STX1A: variants seen among roughly 807,000 people sequenced by gnomAD.
STX1A encodes syntaxin-1A.
Under a neutral mutation model 37.8 loss-of-function variants are expected in STX1A, and 4 were observed. The observed-to-expected ratio is 0.11, with a 90% CI of 0.05 to 0.24. STX1A has a LOEUF of 0.24. Ranked by LOEUF, STX1A falls within the 10% of genes least tolerant of loss-of-function variation. The pLI is 1.00. For missense variants in STX1A, 251 were observed against 399.9 expected, an observed-to-expected ratio of 0.63 and a Z score of 3.18; for synonymous variants, 135 against 147.4, an observed-to-expected ratio of 0.92 and a Z score of 0.61.
In STX1A at chr7:73,703,846, C is replaced by G. The variant is rs781901253; in HGVS notation, c.467-18G>C. The stretch of plus-strand genomic sequence containing the variant: ...CCTGCCGGCTGCAAGCGAGTGGGGT[C>G]ACACTGAGCCCAGCCCTCTTCGGGG... On this transcript the variant is annotated intron_variant, in intron 6 of 9. Coordinates refer to ENST00000222812, the MANE Select transcript of STX1A (RefSeq NM_004603.4). 2.5e-6 allele frequency: 4 copies of G among 1,611,292 alleles called. No individual in the cohort carries two copies. The highest frequency in any genetic ancestry group is 4.5e-5 in the East Asian group (2 of 44,882).
In STX1A at chr7:73,699,321, G is replaced by C. The variant is rs530072796; in HGVS notation, c.*1086C>G. 1.3e-5 allele frequency: 2 copies of C among 152,822 alleles called. No homozygotes were observed. Among genetic ancestry groups the C allele is most frequent in the African/African-American group, 4.8e-5 (2 of 41,570 alleles). 9.5% of individuals were successfully genotyped at this position (152,822 alleles called of 1,614,324 possible). A position where few individuals can be genotyped will look rare whatever the true frequency, so the allele number is the denominator to read the frequency against. ...AATCGCTGTTCAAGAAGGCAACACGGACAGTGGTCACAGTCACTGGGCAGG... is the reference window on the plus strand; with the variant it reads ...AATCGCTGTTCAAGAAGGCAACACGCACAGTGGTCACAGTCACTGGGCAGG... On this transcript the variant is annotated 3_prime_UTR_variant, in exon 10 of 10. Coordinates refer to ENST00000222812, the MANE Select transcript of STX1A (RefSeq NM_004603.4).
At position 73,702,508 on chromosome 7, in the gene STX1A, AGCTGTCCTGGTCACT is replaced by A; in HGVS notation, c.678+322_678+336del. The A allele has an allele frequency of 4.0e-6, 2 of 506,274 alleles. No homozygotes were observed. The highest frequency in any genetic ancestry group is 3.3e-6 in the Non-Finnish European group (1 of 303,194). 31.4% of individuals were successfully genotyped at this position (506,274 alleles called of 1,614,324 possible). The stretch of plus-strand genomic sequence containing the variant: ...ATTCACTCCAGGAAGCAGGTCCCTG[AGCTGTCCTGGTCACT>A]GCTATGCCTTCAGTCTCTGGGGAAA... On this transcript the variant is annotated intron_variant, in intron 8 of 9. Coordinates refer to ENST00000222812, the MANE Select transcript of STX1A (RefSeq NM_004603.4). This position sits in a 1 kb window ranked among gnomAD's most constrained non-coding sequence, Gnocchi z 4.7.
chr7:73,700,562 C>G lies in STX1A; in HGVS notation c.790-78G>C, dbSNP rs1421815587. ...GTGGGACTATGGCAAAGGCTGAGGA[C>G]TGGACAGTCGGGGGGGATCCAAGCA... On this transcript the variant is annotated intron_variant, in intron 9 of 9. Transcript: ENST00000222812. The surrounding 1 kb of genome is among the most constrained non-coding windows in gnomAD (Gnocchi z 4.4). 6.4e-7 allele frequency: 1 copy of G among 1,560,562 alleles called. No individual in the cohort carries two copies. Among genetic ancestry groups the G allele is most frequent in the Non-Finnish European group, 8.7e-7 (1 of 1,145,644 alleles).
intron 1 of STX1A, among the ~76,000 whole-genome samples, chr7:73,719,069 G>T (rs971744620): frequency 6.6e-6 from 1 of 151,826 alleles, no homozygotes. Context: ...CGAGGAGGCC[G>T]CCACCACCCG....
At chr7:73,704,475 C>T (rs782722066) in intron 4 of STX1A, 52 bp from the exon 5 acceptor site, 7 of 1,606,958 alleles carry the variant, frequency 4.4e-6, no homozygotes, top group Non-Finnish European at 6.0e-6. Flanking sequence ...CAACCCCGTC[C>T]CCTACCCGCA....
intron 1 of STX1A, among the ~76,000 whole-genome samples, chr7:73,711,932 C>T (rs1312924691): frequency 1.3e-5 from 2 of 152,180 alleles, no homozygotes; most frequent in Non-Finnish European, 2.9e-5. Flanking sequence ...ATCCGGCCAG[C>T]TCTGACCTGC....
At chr7:73,703,054 C>T (rs1554616173) in intron 7 of STX1A, 72 bp from the exon 8 acceptor site, 1 of 402,118 alleles carries the variant, frequency 2.5e-6, no homozygotes, top group South Asian at 3.0e-5. Context: ...AGGGGGAGGG[C>T]GTTTGGGGTG....
At chr7:73,708,262 C>CAAAAAA (rs1157786155) in intron 3 of STX1A, among the ~76,000 whole-genome samples, 1 of 49,756 alleles carries the variant, frequency 2.0e-5, no homozygotes, top group Non-Finnish European at 4.2e-5. Context: ...GACTCCATCT[C>CAAAAAA]AAAAAAAAAA....
rs1324941173 is a variant in STX1A at position 73,706,219 on chromosome 7, G to C, written c.209-995C>G. On this transcript the variant is annotated intron_variant, in intron 3 of 9. Transcript: ENST00000222812. The surrounding 1 kb of genome is among the most constrained non-coding windows in gnomAD (Gnocchi z 4.6). ...GGTCTATCAGGAAGGCCCCGGATGG[G>C]GTCACCTCCCAAGTGGAATGCAGTG... is the stretch of plus-strand genomic sequence containing the variant. Among the ~76,000 whole-genome samples the C allele has an allele frequency of 2.0e-5, 3 of 152,116 alleles. No individual in the cohort carries two copies. The highest frequency in any genetic ancestry group is 7.2e-5 in the African/African-American group (3 of 41,428).
rs1289381017 is a variant in STX1A, at chr7:73,705,102, A to G, written c.283+48T>C. The G allele has an allele frequency of 4.5e-6, 7 of 1,550,186 alleles. No homozygotes were observed. Among genetic ancestry groups the G allele is most frequent in the Non-Finnish European group, 6.2e-6 (7 of 1,122,068 alleles). On this transcript the variant is annotated intron_variant, in intron 4 of 9. Transcript: ENST00000222812. This position sits in a 1 kb window ranked among gnomAD's most constrained non-coding sequence, Gnocchi z 5.2. ...AAAACCCCATGGGCTCCGCAGAGGA[A>G]GCAGGCCTAGAATGCCCCCCACCCA...
At chr7:73,710,189 G>A (rs1284594437) in intron 1 of STX1A, among the ~76,000 whole-genome samples, 2 of 152,272 alleles carry the variant, frequency 1.3e-5, no homozygotes, top group African/African-American at 4.8e-5. Flanking sequence ...CCCAGGACCA[G>A]CTGTACAAAA....
At position 73,700,378 on chromosome 7, in the gene STX1A, CTGGAG is replaced by C. The variant is rs781960666; in HGVS notation, c.*24_*28del. ...CCAGGGCCTCCTTGGAGTGGCCCAC[CTGGAG>C]TGGAGTGGCAGTTTGGGTGGCTTCT... On this transcript the variant is annotated 3_prime_UTR_variant, in exon 10 of 10. Coordinates refer to ENST00000222812, the MANE Select transcript of STX1A (RefSeq NM_004603.4). This position sits in a 1 kb window ranked among gnomAD's most constrained non-coding sequence, Gnocchi z 4.4. The C allele has an allele frequency of 3.5e-5, 57 of 1,612,422 alleles. No homozygotes were observed. In the East Asian group the frequency reaches 4.2e-4, roughly 12 times the overall value.
rs781961480 is a variant in STX1A, at chr7:73,702,719, T to C, written c.678+126A>G. The C allele has an allele frequency of 2.3e-5, 35 of 1,544,322 alleles. No individual in the cohort carries two copies. Among genetic ancestry groups the C allele is most frequent in the Non-Finnish European group, 3.0e-5 (34 of 1,141,974 alleles). On this transcript the variant is annotated intron_variant, in intron 8 of 9. Transcript: ENST00000222812. This position sits in a 1 kb window ranked among gnomAD's most constrained non-coding sequence, Gnocchi z 4.7. ...CCCTGGCGGCAGTTTCAACAGCGGG[T>C]GATTGGTTACCTGAGAACTTGGTCC...
rs1299677821 is a variant in STX1A at position 73,701,140 on chromosome 7, G to C, written c.679-300C>G. On this transcript the variant is annotated intron_variant, in intron 8 of 9. Transcript: ENST00000222812. ...AGAACACTGTCAGAGATGTGGCAGT[G>C]CCAGGCAGAGGAAGGTGGGAGCAGG... 7 of 596,980 alleles carry C rather than the reference G, an allele frequency of 1.2e-5. No individual in the cohort carries two copies. The African/African-American group carries it at 1.3e-4, about 11-fold the overall frequency. 37.0% of individuals were successfully genotyped at this position (596,980 alleles called of 1,614,324 possible).
Position 73,717,010 on chromosome 7 carries a change from C to A in STX1A, c.30+2592G>T, listed in dbSNP as rs1799310056. Among the ~76,000 whole-genome samples the A allele has an allele frequency of 6.6e-6, 1 of 152,172 alleles. No individual in the cohort carries two copies. The highest frequency in any genetic ancestry group is 1.5e-5 in the Non-Finnish European group (1 of 68,038). On this transcript the variant is annotated intron_variant, in intron 1 of 9. Coordinates refer to ENST00000222812, the MANE Select transcript of STX1A (RefSeq NM_004603.4). The surrounding 1 kb of genome is among the most constrained non-coding windows in gnomAD (Gnocchi z 4.1). ...AGGCCCCCTGGCTAGTCCCCAGTGA[C>A]CCCCTTCACTCCCCATCTGCAGAGG... is the stretch of plus-strand genomic sequence containing the variant.
rs74656420 is a variant in STX1A at position 73,711,805 on chromosome 7, G to A, written c.31-2683C>T. 1.7e-4 allele frequency among the ~76,000 whole-genome samples: 26 copies of A among 152,134 alleles called. No individual in the cohort carries two copies. The South Asian group carries it at 1.9e-3, about 11-fold the overall frequency. ...TCCTTTTCCGTGGCCAGAGACGAGC[G>A]TCACTGCCAGCCCCACCGAACCCCT... On this transcript the variant is annotated intron_variant, in intron 1 of 9. Coordinates refer to ENST00000222812, the MANE Select transcript of STX1A (RefSeq NM_004603.4).
In STX1A at chr7:73,702,226, T is replaced by G. The variant is rs562195767; in HGVS notation, c.678+619A>C. 6.6e-6 allele frequency among the ~76,000 whole-genome samples: 1 copy of G among 152,286 alleles called. No homozygotes were observed. The highest frequency in any genetic ancestry group is 1.9e-4 in the East Asian group (1 of 5,178). The stretch of plus-strand genomic sequence containing the variant: ...CTCAAATGTCCCCTCCTGAGAGGCC[T>G]TCCTTGACCACTCACTCCAACAAAG... On this transcript the variant is annotated intron_variant, in intron 8 of 9. Transcript: ENST00000222812. This position sits in a 1 kb window ranked among gnomAD's most constrained non-coding sequence, Gnocchi z 4.7.
intron 7 of STX1A, chr7:73,703,328 T>C (rs782668322): frequency 6.9e-5 from 38 of 554,440 alleles, no homozygotes; most frequent in Non-Finnish European, 1.2e-4. Context: ...CTCCCGTCCC[T>C]TCCCCCACAT....
chr7:73,707,715 C>G (rs1554617221), intron 3 of STX1A, among the ~76,000 whole-genome samples: 1 of 151,798 alleles, frequency 6.6e-6, no homozygotes, highest in East Asian at 1.9e-4. Flanking sequence ...GGGCGGATCA[C>G]CTGAGGTCGG....
Sources: gnomAD v4.1 joint callset for allele counts (sites outside exome capture counted in the v4.1 genomes callset) on GRCh38, gnomAD v4.1.1 for gene constraint, Gnocchi (gnomAD v3.1) non-coding constraint, MANE v1.5 for transcripts, NCBI Gene and HGNC (gene_info 2026-07-23, HGNC 2026-07-21) for gene names.